The following FRMD4A variants were observed in gnomAD, a reference collection of about 807,000 sequenced individuals.
FRMD4A encodes FERM domain containing 4A.
FRMD4A carries 29 observed loss-of-function variants against 129.1 expected under a neutral mutation model. The ratio of observed to expected loss-of-function variants is 0.22; its 90% CI spans 0.17 to 0.31. The LOEUF is 0.31. Ranked by LOEUF, FRMD4A falls within the 10% of genes least tolerant of loss-of-function variation. The pLI, the probability that FRMD4A is intolerant of heterozygous loss-of-function variation, is 1.00. For missense variants in FRMD4A, 1,272 were observed against 1,375.8 expected, an observed-to-expected ratio of 0.92 and a Z score of 1.19; for synonymous variants, 634 against 571.6, an observed-to-expected ratio of 1.11 and a Z score of -1.56.
At chr10:14,302,948 T>C (rs530139340) in intron 2 of FRMD4A, among the ~76,000 whole-genome samples, 9 of 152,258 alleles carry the variant, frequency 5.9e-5, no homozygotes, top group Non-Finnish European at 1.0e-4. Flanking sequence ...AAAATGACTT[T>C]GATCTTGGAG....
intron 2 of FRMD4A, among the ~76,000 whole-genome samples, chr10:14,174,879 CTGTGTGTGTGTGTGTG>C (rs56966643): frequency 3.3e-4 from 29 of 87,558 alleles, no homozygotes; most frequent in Non-Finnish European, 5.4e-4. Flanking sequence ...GTGTGTGTGT[CTGTGTGTGTGTGTGTG>C]TGTGTGTGTG....
chr10:13,666,052 G>T, intron 18 of FRMD4A, 45 bp downstream of exon 18: 2 of 1,196,926 alleles, frequency 1.7e-6, no homozygotes, highest in African/African-American at 1.5e-5. Context: ...GGTTGCCGGG[G>T]CCCGGGCGTG....
intron 2 of FRMD4A, among the ~76,000 whole-genome samples, chr10:14,256,826 T>A (rs1258667873): frequency 1.3e-5 from 2 of 151,920 alleles, no homozygotes; most frequent in African/African-American, 2.4e-5. Context: ...CTTCAAAAAA[T>A]TTTTTAAAAT....
At chr10:14,025,396 G>C (rs191482270) in intron 2 of FRMD4A, among the ~76,000 whole-genome samples, 2 of 151,940 alleles carry the variant, frequency 1.3e-5, no homozygotes, top group African/African-American at 4.8e-5. Context: ...CTGTTCCGTA[G>C]TGTTAAGTAC....
intron 2 of FRMD4A, among the ~76,000 whole-genome samples, chr10:14,096,493 A>G (rs1836969816): frequency 6.6e-6 from 1 of 152,242 alleles, no homozygotes; most frequent in African/African-American, 2.4e-5. Flanking sequence ...GGGAGCTCAG[A>G]TGTGAGTTCC....
intron 2 of FRMD4A, among the ~76,000 whole-genome samples, chr10:14,045,329 A>G (rs1286206664): frequency 6.6e-6 from 1 of 151,894 alleles, no homozygotes. Flanking sequence ...ACCTCTTCCC[A>G]CTAACACTGT....
At chr10:13,746,168 G>T (rs1400243027) in intron 9 of FRMD4A, among the ~76,000 whole-genome samples, 1 of 152,092 alleles carries the variant, frequency 6.6e-6, no homozygotes, top group Non-Finnish European at 1.5e-5. Flanking sequence ...GCTCCCTAGT[G>T]ATGTGGTCTC....
At chr10:13,975,229 G>A (rs909555769) in intron 2 of FRMD4A, among the ~76,000 whole-genome samples, 10 of 151,302 alleles carry the variant, frequency 6.6e-5, no homozygotes, top group African/African-American at 2.4e-4. Flanking sequence ...GTGTGTGTAT[G>A]TGTGTGTGTG....
chr10:13,731,317 T>C (rs1212004939), intron 12 of FRMD4A, among the ~76,000 whole-genome samples: 5 of 152,236 alleles, frequency 3.3e-5, no homozygotes, highest in Non-Finnish European at 5.9e-5. Context: ...GTAGATTTAC[T>C]GAGAGCTGAT....
At chr10:13,717,021 T>C (rs544467876) in intron 12 of FRMD4A, among the ~76,000 whole-genome samples, 12 of 152,098 alleles carry the variant, frequency 7.9e-5, no homozygotes, top group Non-Finnish European at 1.8e-4. Flanking sequence ...GTCAGTGGGT[T>C]GAATGGCTGA....
In FRMD4A at chr10:14,044,202, C is replaced by T. The variant is rs184615908; in HGVS notation, c.46-185290G>A. On this transcript the variant is annotated intron_variant, in intron 2 of 24. Transcript: ENST00000357447. The stretch of plus-strand genomic sequence containing the variant: ...CCAACCCAGTTGATTCTACCTTTTA[C>T]ATTCTCTTTCCTGTCGCCCCTTTAC... Among the ~76,000 whole-genome samples the T allele has an allele frequency of 2.0e-5, 3 of 152,346 alleles. No homozygotes were observed. In the East Asian group the frequency reaches 5.8e-4, roughly 29 times the overall value.
chr10:13,666,382 C>T, intron 17 of FRMD4A, 57 bp from the exon 18 acceptor site: 2 of 1,196,418 alleles, frequency 1.7e-6, no homozygotes, highest in Non-Finnish European at 2.5e-6. Context: ...GGGAGACCCT[C>T]ATCCTTCCCT....
intron 2 of FRMD4A, among the ~76,000 whole-genome samples, chr10:13,890,120 G>A (rs1343624231): frequency 6.6e-6 from 1 of 152,192 alleles, no homozygotes; most frequent in African/African-American, 2.4e-5. Flanking sequence ...CCAGATTTCT[G>A]TTGATTTGAG....
intron 5 of FRMD4A, 136 bp from the exon 6 acceptor site, chr10:13,783,142 G>T: frequency 1.6e-6 from 1 of 624,028 alleles, no homozygotes; most frequent in Non-Finnish European, 2.9e-6. Context: ...CACCATCCAT[G>T]GTTTTTCTAT....
chr10:13,678,826 T>C (rs1007511125), intron 15 of FRMD4A, among the ~76,000 whole-genome samples: 2 of 152,208 alleles, frequency 1.3e-5, no homozygotes, highest in South Asian at 2.1e-4. Context: ...CATTGATGTT[T>C]TGGTACATAT....
intron 2 of FRMD4A, among the ~76,000 whole-genome samples, chr10:14,094,979 A>C (rs1175518965): frequency 6.6e-6 from 1 of 152,084 alleles, no homozygotes; most frequent in African/African-American, 2.4e-5. Context: ...GGGGGGAACC[A>C]AGAGATCCAT....
intron 2 of FRMD4A, among the ~76,000 whole-genome samples, chr10:14,065,848 C>T (rs1488025753): frequency 6.6e-6 from 1 of 152,078 alleles, no homozygotes; most frequent in Non-Finnish European, 1.5e-5. Context: ...CAAGAATAAA[C>T]CAGGAAAGGG....
chr10:13,952,233 C>T (rs1244536849), intron 2 of FRMD4A, among the ~76,000 whole-genome samples: 1 of 151,598 alleles, frequency 6.6e-6, no homozygotes, highest in Non-Finnish European at 1.5e-5. Context: ...CGTGGTGGCT[C>T]ATGTCTGTAA....
chr10:14,294,060 A>G (rs1845931971), intron 2 of FRMD4A, among the ~76,000 whole-genome samples: 1 of 152,224 alleles, frequency 6.6e-6, no homozygotes, highest in Admixed American at 6.5e-5. Context: ...ATTCACCCAA[A>G]ATACAGACTG....
Sources: gnomAD v4.1 joint callset for allele counts (sites outside exome capture counted in the v4.1 genomes callset) on GRCh38, gnomAD v4.1.1 for gene constraint, MANE v1.5 for transcripts, NCBI Gene and HGNC (gene_info 2026-07-23, HGNC 2026-07-21) for gene names.